TAFA2: variants seen among roughly 807,000 people sequenced by gnomAD.
The protein encoded by TAFA2 is chemokine-like protein TAFA-2.
A neutral mutation model predicts 18.8 loss-of-function variants in TAFA2; 7 were observed. The observed-to-expected ratio is 0.37, with a 90% CI of 0.21 to 0.70. The LOEUF (loss-of-function observed/expected upper bound fraction) is 0.70. TAFA2 is among the 30% of genes least tolerant of loss of function. The pLI is 0.53. For missense variants in TAFA2, 122 were observed against 158.1 expected (o/e 0.77, Z 1.23); for synonymous variants, 60 against 54.2 (o/e 1.11, Z -0.47).
Position 62,022,022 on chromosome 12 carries a change from G to A in TAFA2, c.-1-154596C>T, listed in dbSNP as rs1371304035. 6 of 634,926 alleles carry A rather than the reference G, an allele frequency of 9.4e-6. No individual in the cohort carries two copies. In the East Asian group the frequency reaches 1.1e-4, roughly 12 times the overall value. 39.3% of individuals were successfully genotyped at this position (634,926 alleles called of 1,614,324 possible). A position where few individuals can be genotyped will look rare whatever the true frequency, so the allele number is the denominator to read the frequency against. On this transcript the variant is annotated intron_variant, in intron 1 of 4. Coordinates refer to ENST00000416284, the MANE Select transcript of TAFA2 (RefSeq NM_178539.5). ...TGGGCAATGGCACAGACCCCTAGCG[G>A]CCACCTTATCAGCATAAAGCTCTAC...
intron 1 of TAFA2, among the ~76,000 whole-genome samples, chr12:62,202,324 T>C (rs1049007805): frequency 2.0e-5 from 3 of 151,994 alleles, no homozygotes; most frequent in Non-Finnish European, 4.4e-5. Context: ...TTAATTGTGA[T>C]GTTAGATTTG....
intron 1 of TAFA2, among the ~76,000 whole-genome samples, chr12:62,061,489 C>T (rs1024929776): frequency 9.2e-5 from 14 of 152,138 alleles, no homozygotes; most frequent in Non-Finnish European, 1.6e-4. Flanking sequence ...ATGACAAAAT[C>T]GCCTAACAGC....
intron 2 of TAFA2, among the ~76,000 whole-genome samples, chr12:61,795,435 A>G (rs1329500926): frequency 1.3e-5 from 2 of 152,156 alleles, no homozygotes; most frequent in African/African-American, 4.8e-5. Flanking sequence ...TTGTAGGGAC[A>G]TGGATGAAGC....
At chr12:61,819,058 C>T (rs1872211818) in intron 2 of TAFA2, among the ~76,000 whole-genome samples, 1 of 152,116 alleles carries the variant, frequency 6.6e-6, no homozygotes, top group South Asian at 2.1e-4. Context: ...TAATTAGATT[C>T]CCTTCCATAT....
At chr12:61,864,078 G>A (rs187167118) in intron 2 of TAFA2, among the ~76,000 whole-genome samples, 18 of 152,202 alleles carry the variant, frequency 1.2e-4, no homozygotes, top group South Asian at 2.1e-4. Context: ...AATAAATCAC[G>A]TAAACAAGAA....
At chr12:62,123,176 C>A (rs191919250) in intron 1 of TAFA2, among the ~76,000 whole-genome samples, 25 of 152,284 alleles carry the variant, frequency 1.6e-4, no homozygotes, top group Middle Eastern at 3.4e-3. Context: ...CAGAAAACAG[C>A]TTTTATTCCC....
At chr12:61,876,707 T>TA (rs999323956) in intron 1 of TAFA2, among the ~76,000 whole-genome samples, 18 of 146,846 alleles carry the variant, frequency 1.2e-4, no homozygotes, top group South Asian at 6.5e-4. Flanking sequence ...AACAAACCAT[T>TA]AAAAAAAAAA....
chr12:61,846,639 AT>A lies in TAFA2; in HGVS notation c.106+20680del, dbSNP rs200403584. The stretch of plus-strand genomic sequence containing the variant: ...AATAAAGGTTAACTTGATTATAACT[AT>A]TGTCTTTGCTTACATAACTTAAACA... On this transcript the variant is annotated intron_variant, in intron 2 of 4. Coordinates refer to ENST00000416284, the MANE Select transcript of TAFA2 (RefSeq NM_178539.5). 6.8e-3 allele frequency among the ~76,000 whole-genome samples: 1,029 copies of A among 152,308 alleles called. 9 individuals are homozygous for A. The highest frequency in any genetic ancestry group is 8.3e-3 in the Non-Finnish European group (565 of 68,014).
intron 1 of TAFA2, among the ~76,000 whole-genome samples, chr12:62,128,012 C>T (rs1042302409): frequency 5.3e-5 from 8 of 151,664 alleles, no homozygotes; most frequent in Non-Finnish European, 2.9e-5. Context: ...ATGGGAGGCA[C>T]AATCAAGGCA....
intron 2 of TAFA2, among the ~76,000 whole-genome samples, chr12:61,860,551 T>G (rs560094264): frequency 2.0e-5 from 3 of 152,326 alleles, no homozygotes; most frequent in African/African-American, 7.2e-5. Flanking sequence ...CCCCAAAAGA[T>G]CTGTCCCAGC....
intron 1 of TAFA2, among the ~76,000 whole-genome samples, chr12:62,232,000 G>T (rs1035182769): frequency 2.0e-5 from 3 of 152,072 alleles, no homozygotes; most frequent in African/African-American, 7.2e-5. Context: ...GGGTAAATAA[G>T]TATTTTTATT....
intron 4 of TAFA2, among the ~76,000 whole-genome samples, chr12:61,750,415 A>T (rs1222179483): frequency 6.6e-6 from 1 of 152,134 alleles, no homozygotes; most frequent in Non-Finnish European, 1.5e-5. Flanking sequence ...TGTGAAGAAC[A>T]GGTATGCAAC....
At chr12:62,000,029 C>T (rs1390517759) in intron 1 of TAFA2, among the ~76,000 whole-genome samples, 1 of 152,134 alleles carries the variant, frequency 6.6e-6, no homozygotes, top group African/African-American at 2.4e-5. Context: ...TTCAGAGACA[C>T]ACCAAAATAA....
rs561283872 is a variant in TAFA2, at chr12:62,011,765, A to G, written c.-1-144339T>C. On this transcript the variant is annotated intron_variant, in intron 1 of 4. Coordinates refer to ENST00000416284, the MANE Select transcript of TAFA2 (RefSeq NM_178539.5). ...TCAATAAATACTAAAAAAAAAAAAAAAAAAGAAAAGAAACTGTAGTATAAG... is the reference window on the plus strand; with the variant it reads ...TCAATAAATACTAAAAAAAAAAAAAGAAAAGAAAAGAAACTGTAGTATAAG... Among the ~76,000 whole-genome samples, 511 of 134,780 alleles carry G rather than the reference A, an allele frequency of 3.8e-3. 3 individuals carry two copies. Among genetic ancestry groups the G allele is most frequent in the African/African-American group, 0.013 (478 of 36,814 alleles). 88.4% of individuals were successfully genotyped at this position (134,780 alleles called of 152,430 possible).
intron 1 of TAFA2, among the ~76,000 whole-genome samples, chr12:62,229,599 T>C (rs1291398930): frequency 1.3e-5 from 2 of 152,136 alleles, no homozygotes; most frequent in East Asian, 1.9e-4. Context: ...TAATGTGCTA[T>C]TGTATTTGGT....
At chr12:61,876,840 T>C (rs779265231) in intron 1 of TAFA2, among the ~76,000 whole-genome samples, 70 of 152,214 alleles carry the variant, frequency 4.6e-4, no homozygotes, top group Non-Finnish European at 9.0e-4. Context: ...CTGAGAATAA[T>C]AGTTTAAGCA....
chr12:61,781,517 T>G lies in TAFA2; in HGVS notation c.107-26493A>C, dbSNP rs562392647. Among the ~76,000 whole-genome samples, 225 of 151,926 alleles carry G rather than the reference T, an allele frequency of 1.5e-3. 1 individual carries two copies. Among genetic ancestry groups the G allele is most frequent in the Non-Finnish European group, 2.8e-3 (190 of 67,850 alleles). On this transcript the variant is annotated intron_variant, in intron 2 of 4. Transcript: ENST00000416284. ...CCGTACTTGAAATCTGACATTGCTTTTCCATTTTCCTTTTTATAATATGCA... is the reference window on the plus strand; with the variant it reads ...CCGTACTTGAAATCTGACATTGCTTGTCCATTTTCCTTTTTATAATATGCA...
chr12:61,900,248 A>T (rs1021131746), intron 1 of TAFA2, among the ~76,000 whole-genome samples: 3 of 152,176 alleles, frequency 2.0e-5, no homozygotes, highest in Non-Finnish European at 4.4e-5. Context: ...GTCATAGGGA[A>T]TGCATGTGTT....
intron 1 of TAFA2, among the ~76,000 whole-genome samples, chr12:62,081,313 T>TA (rs1418553633): frequency 6.6e-5 from 10 of 152,302 alleles, no homozygotes; most frequent in African/African-American, 1.9e-4. Flanking sequence ...ATTCGTTATT[T>TA]AAAAAACTAT....
Sources: gnomAD v4.1 joint callset for allele counts (sites outside exome capture counted in the v4.1 genomes callset) on GRCh38, gnomAD v4.1.1 for gene constraint, MANE v1.5 for transcripts, NCBI Gene and HGNC (gene_info 2026-07-23, HGNC 2026-07-21) for gene names.